LRRC3B: variants seen among roughly 807,000 people sequenced by gnomAD.
The protein encoded by LRRC3B is leucine-rich repeat-containing protein 3B.
Under a neutral mutation model 12.8 loss-of-function variants are expected in LRRC3B, and 2 were observed. The observed-to-expected ratio is 0.16, with a 90% CI of 0.06 to 0.49. The LOEUF (loss-of-function observed/expected upper bound fraction) is 0.49. Ranked by LOEUF, LRRC3B falls within the 20% of genes least tolerant of loss-of-function variation. The probability of loss-of-function intolerance (pLI) is 0.96; values close to 1 mark genes in which losing one functional copy is unlikely to be tolerated. For synonymous variants in LRRC3B, 132 were observed against 122.0 expected, an observed-to-expected ratio of 1.08 and a Z score of -0.54; for missense variants, 189 against 319.4, an observed-to-expected ratio of 0.59 and a Z score of 3.11.
At chr3:26,668,599 A>C (rs1431168986) in intron 1 of LRRC3B, among the ~76,000 whole-genome samples, 1 of 152,196 alleles carries the variant, frequency 6.6e-6, no homozygotes, top group East Asian at 1.9e-4. Context: ...TTTTAAGTTT[A>C]CAAAGGACTG....
chr3:26,705,666 A>G (rs577139952), intron 1 of LRRC3B, among the ~76,000 whole-genome samples: 5 of 152,198 alleles, frequency 3.3e-5, no homozygotes, highest in South Asian at 2.1e-4. Context: ...TTGTGATTCA[A>G]TCAAAGCAGG....
intron 1 of LRRC3B, among the ~76,000 whole-genome samples, chr3:26,707,603 C>T (rs934188938): frequency 3.3e-5 from 5 of 152,122 alleles, no homozygotes; most frequent in Admixed American, 6.6e-5. Flanking sequence ...ATGTTTTAGG[C>T]TGGTTGCATA....
intron 1 of LRRC3B, among the ~76,000 whole-genome samples, chr3:26,626,091 T>A (rs1698618802): frequency 6.6e-6 from 1 of 152,194 alleles, no homozygotes; most frequent in African/African-American, 2.4e-5. Context: ...GTACTATAAG[T>A]GCCAGTCCTG....
chr3:26,628,116 G>T, intron 1 of LRRC3B, among the ~76,000 whole-genome samples: 1 of 152,200 alleles, frequency 6.6e-6, no homozygotes, highest in South Asian at 2.1e-4. Context: ...CACATGACAC[G>T]TCTGCTGGGG....
At chr3:26,685,891 A>G (rs893461505) in intron 1 of LRRC3B, among the ~76,000 whole-genome samples, 2 of 152,010 alleles carry the variant, frequency 1.3e-5, no homozygotes, top group Non-Finnish European at 2.9e-5. Flanking sequence ...CCAGTCTCTC[A>G]GTTATGACAT....
At chr3:26,709,871 G>A in exon 2 of LRRC3B, 1 of 1,614,086 alleles carries the variant, frequency 6.2e-7, no homozygotes, top group South Asian at 1.1e-5. Context: ...TCCTGAAACA[G>A]TCTTACTGTA....
chr3:26,687,392 TA>T (rs1396259596), intron 1 of LRRC3B, among the ~76,000 whole-genome samples: 1 of 152,258 alleles, frequency 6.6e-6, no homozygotes, highest in Non-Finnish European at 1.5e-5. Context: ...ATAATTGCTC[TA>T]AATATGTTCT....
At chr3:26,635,970 G>A (rs1907179) in intron 1 of LRRC3B, among the ~76,000 whole-genome samples, 6,692 of 152,250 alleles carry the variant, frequency 0.044, 362 homozygotes, top group East Asian at 0.17. Flanking sequence ...ATTTTAGGAT[G>A]CGCATACACA....
intron 1 of LRRC3B, among the ~76,000 whole-genome samples, chr3:26,676,580 C>A (rs1235555653): frequency 6.6e-6 from 1 of 152,116 alleles, no homozygotes; most frequent in Non-Finnish European, 1.5e-5. Context: ...ATTAAAAAGT[C>A]AGGAAACAAC....
intron 1 of LRRC3B, among the ~76,000 whole-genome samples, chr3:26,657,807 G>T (rs984346303): frequency 6.6e-6 from 1 of 152,132 alleles, no homozygotes; most frequent in African/African-American, 2.4e-5. Context: ...ACCCAACTAT[G>T]AATCGACGGG....
intron 1 of LRRC3B, among the ~76,000 whole-genome samples, chr3:26,704,130 A>G (rs1700525197): frequency 6.6e-6 from 1 of 152,136 alleles, no homozygotes; most frequent in Admixed American, 6.6e-5. Flanking sequence ...ATCTATGCAT[A>G]TGTAAACATA....
chr3:26,682,330 C>T (rs1018585943), intron 1 of LRRC3B, among the ~76,000 whole-genome samples: 4 of 152,090 alleles, frequency 2.6e-5, no homozygotes, highest in Admixed American at 1.3e-4. Context: ...CATAGCTTGC[C>T]TCTCATTACT....
At chr3:26,686,018 C>A (rs576581246) in intron 1 of LRRC3B, among the ~76,000 whole-genome samples, 1 of 151,996 alleles carries the variant, frequency 6.6e-6, no homozygotes, top group South Asian at 2.1e-4. Flanking sequence ...TAGACTCGGC[C>A]GTGGTATAGG....
At chr3:26,696,335 C>T (rs1700316488) in intron 1 of LRRC3B, among the ~76,000 whole-genome samples, 1 of 151,972 alleles carries the variant, frequency 6.6e-6, no homozygotes, top group Non-Finnish European at 1.5e-5. Context: ...TTTTAAAGTT[C>T]AAATGTTTTT....
At chr3:26,676,097 TA>T in intron 1 of LRRC3B, among the ~76,000 whole-genome samples, 1 of 151,824 alleles carries the variant, frequency 6.6e-6, no homozygotes, top group Non-Finnish European at 1.5e-5. Flanking sequence ...TAATTATTAT[TA>T]ATACTTAAAG....
chr3:26,637,532 A>G (rs1046016273), intron 1 of LRRC3B, among the ~76,000 whole-genome samples: 18 of 152,174 alleles, frequency 1.2e-4, no homozygotes, highest in Non-Finnish European at 1.5e-4. Flanking sequence ...TTGACCAGGA[A>G]GTCTGGACAC....
At chr3:26,678,224 T>C (rs1042718059) in intron 1 of LRRC3B, among the ~76,000 whole-genome samples, 1 of 152,090 alleles carries the variant, frequency 6.6e-6, no homozygotes, top group African/African-American at 2.4e-5. Flanking sequence ...CTGGGTGCGG[T>C]GGATCATGCC....
In LRRC3B at chr3:26,636,894, CTCTCTCT is replaced by C. The variant is rs1559350180; in HGVS notation, c.-161+13658_-161+13664del. 5.0e-3 allele frequency among the ~76,000 whole-genome samples: 546 copies of C among 108,778 alleles called. 21 individuals carry two copies. Among genetic ancestry groups the C allele is most frequent in the East Asian group, 0.045 (100 of 2,228 alleles). 71.4% of individuals were successfully genotyped at this position (108,778 alleles called of 152,430 possible). ...CCTTCCTTCCTTCCTTCCTTTCTCT[CTCTCTCT>C]CTTTCTCTCTTTCTCTCTTTCTTTC... On this transcript the variant is annotated intron_variant, in intron 1 of 1. Transcript: ENST00000396641.
intron 1 of LRRC3B, among the ~76,000 whole-genome samples, chr3:26,687,436 A>G (rs1345785349): frequency 6.6e-6 from 1 of 152,234 alleles, no homozygotes; most frequent in African/African-American, 2.4e-5. Flanking sequence ...CTGAGGGGAT[A>G]ATATGCTTCC....
Sources: gnomAD v4.1 joint callset for allele counts (sites outside exome capture counted in the v4.1 genomes callset) on GRCh38, gnomAD v4.1.1 for gene constraint, MANE v1.5 for transcripts, NCBI Gene and HGNC (gene_info 2026-07-23, HGNC 2026-07-21) for gene names.